SPAG17: variants seen among roughly 807,000 people sequenced by gnomAD.
SPAG17 encodes the protein sperm-associated antigen 17.
Under a neutral mutation model 273.6 loss-of-function variants are expected in SPAG17, and 169 were observed. The ratio of observed to expected loss-of-function variants is 0.62; its 90% CI spans 0.55 to 0.70. SPAG17 has a LOEUF of 0.70. SPAG17 is among the 30% of genes least tolerant of loss of function. The pLI, the probability that SPAG17 is intolerant of heterozygous loss-of-function variation, is 0.00. For missense variants in SPAG17, 2,557 were observed against 2,627.8 expected, an observed-to-expected ratio of 0.97 and a Z score of 0.59; for synonymous variants, 825 against 873.2, an observed-to-expected ratio of 0.94 and a Z score of 0.97.
At chr1:118,170,641 T>G (rs1660379263) in intron 1 of SPAG17, among the ~76,000 whole-genome samples, 1 of 152,194 alleles carries the variant, frequency 6.6e-6, no homozygotes, top group Non-Finnish European at 1.5e-5. Flanking sequence ...GACGTGGATA[T>G]TATTGTCTCT....
intron 28 of SPAG17, among the ~76,000 whole-genome samples, chr1:118,021,591 T>C (rs751453621): frequency 6.6e-6 from 1 of 152,194 alleles, no homozygotes; most frequent in African/African-American, 2.4e-5. Context: ...GTTACAAATA[T>C]ACAACACTAA....
At position 117,984,687 on chromosome 1, in the gene SPAG17, G is replaced by C; in HGVS notation, c.5765C>G (p.Ser1922Cys). ...FKSELNQLYQ[S>C]QYNHLDSLSK... ...TAGTTCATTATATTCAATTACCTGA[G>C]ACTGATATAACTGGTTCAATTCAGA... The change falls in exon 41 of 49, where the codon TCT becomes TGT. Residue 1922 changes from serine to cysteine, a missense_variant. Coordinates refer to ENST00000336338, the MANE Select transcript of SPAG17 (RefSeq NM_206996.4). The C allele has an allele frequency of 6.3e-7, 1 of 1,580,214 alleles. No individual in the cohort carries two copies. The highest frequency in any genetic ancestry group is 8.7e-7 in the Non-Finnish European group (1 of 1,151,440).
intron 29 of SPAG17, among the ~76,000 whole-genome samples, chr1:118,013,316 G>A (rs972137032): frequency 4.6e-5 from 7 of 152,298 alleles, no homozygotes; most frequent in South Asian, 4.1e-4. Context: ...TTGGGAGCAG[G>A]TGATTTTCAC....
chr1:117,972,266 T>A (rs986204484), intron 44 of SPAG17, among the ~76,000 whole-genome samples: 5 of 152,224 alleles, frequency 3.3e-5, no homozygotes, highest in Admixed American at 6.5e-5. Context: ...AGATGGATAA[T>A]TGTTCAAGTG....
chr1:118,178,962 C>A (rs912389772), intron 1 of SPAG17, among the ~76,000 whole-genome samples: 10 of 151,646 alleles, frequency 6.6e-5, no homozygotes, highest in African/African-American at 1.7e-4. Flanking sequence ...AGGATATACA[C>A]CAAAAAGAAA....
At position 118,028,262 on chromosome 1, in the gene SPAG17, T is replaced by C. The variant is rs369977023; in HGVS notation, c.3730+12A>G. On this transcript the variant is annotated intron_variant, in intron 26 of 48. Transcript: ENST00000336338. Reference sequence around the variant, plus strand: ...CTCCCTGCTTCCCCACCCTACCCCATATAGCACTTACCTGTAGATTCTTGT... The same window carrying C: ...CTCCCTGCTTCCCCACCCTACCCCACATAGCACTTACCTGTAGATTCTTGT... The C allele has an allele frequency of 2.5e-5, 40 of 1,611,172 alleles. No individual in the cohort carries two copies. Among genetic ancestry groups the C allele is most frequent in the Middle Eastern group, 1.7e-4 (1 of 6,058 alleles).
intron 3 of SPAG17, among the ~76,000 whole-genome samples, chr1:118,135,178 G>C (rs940127482): frequency 6.6e-6 from 1 of 152,188 alleles, no homozygotes; most frequent in African/African-American, 2.4e-5. Flanking sequence ...ATCAGCAGGT[G>C]GTGGCGGACA....
At chr1:118,008,284 C>T (rs1659117893) in intron 30 of SPAG17, 86 bp from the exon 31 acceptor site, 15 of 1,463,126 alleles carry the variant, frequency 1.0e-5, no homozygotes, top group Non-Finnish European at 1.2e-5. Flanking sequence ...CTGCTGTTTC[C>T]TGGCTGTCTG....
chr1:117,991,778 C>G (rs1657112250), intron 36 of SPAG17, among the ~76,000 whole-genome samples: 1 of 152,138 alleles, frequency 6.6e-6, no homozygotes, highest in Non-Finnish European at 1.5e-5. Context: ...CAGAGAGGCC[C>G]TGTTTCTAAC....
chr1:118,169,072 T>C (rs1660301595), intron 1 of SPAG17, among the ~76,000 whole-genome samples: 1 of 152,232 alleles, frequency 6.6e-6, no homozygotes, highest in Non-Finnish European at 1.5e-5. Flanking sequence ...TCACCATTTC[T>C]TAACTAACAT....
chr1:117,999,021 C>T (rs1013785453), intron 32 of SPAG17, among the ~76,000 whole-genome samples: 5 of 151,354 alleles, frequency 3.3e-5, no homozygotes, highest in Admixed American at 6.6e-5. Flanking sequence ...TGATGTTCCC[C>T]GCCCTGTGTC....
At chr1:118,144,898 G>A (rs1443908600) in intron 3 of SPAG17, among the ~76,000 whole-genome samples, 1 of 152,168 alleles carries the variant, frequency 6.6e-6, no homozygotes, top group Non-Finnish European at 1.5e-5. Flanking sequence ...ATCTCCTGCA[G>A]CAGTTTTTAA....
chr1:118,038,101 C>T (rs911929531), intron 23 of SPAG17, among the ~76,000 whole-genome samples: 4 of 152,004 alleles, frequency 2.6e-5, no homozygotes, highest in Admixed American at 6.6e-5. Context: ...AAAATAAAAA[C>T]CTGATTAAAA....
chr1:118,032,846 G>A (rs1012565419), intron 24 of SPAG17, among the ~76,000 whole-genome samples: 7 of 151,922 alleles, frequency 4.6e-5, no homozygotes, highest in African/African-American at 1.7e-4. Flanking sequence ...CGCCCACCTC[G>A]GCCTCCAAAG....
chr1:118,167,939 C>T (rs532493660), intron 1 of SPAG17, among the ~76,000 whole-genome samples: 5 of 152,124 alleles, frequency 3.3e-5, no homozygotes, highest in Admixed American at 1.3e-4. Context: ...GGCATCTCTC[C>T]GCTCACTCTC....
chr1:117,994,336 A>C, intron 35 of SPAG17, 70 bp downstream of exon 35: 1 of 1,470,936 alleles, frequency 6.8e-7, no homozygotes, highest in Non-Finnish European at 9.1e-7. Flanking sequence ...AGAAGACTTA[A>C]GACTCTGGTC....
intron 19 of SPAG17, among the ~76,000 whole-genome samples, chr1:118,055,003 C>T (rs1074241): frequency 0.072 from 11,002 of 152,112 alleles, 605 homozygotes; most frequent in East Asian, 0.31. Context: ...GAGTCCATTT[C>T]CTTTGCACAA....
chr1:118,138,152 T>A (rs1342315910), intron 3 of SPAG17, among the ~76,000 whole-genome samples: 1 of 152,182 alleles, frequency 6.6e-6, no homozygotes, highest in East Asian at 1.9e-4. Flanking sequence ...CAGAGCTCAA[T>A]GAAGAACAGA....
intron 43 of SPAG17, among the ~76,000 whole-genome samples, chr1:117,977,092 C>G (rs918648782): frequency 2.1e-4 from 32 of 151,610 alleles, no homozygotes; most frequent in African/African-American, 7.7e-4. Flanking sequence ...GGCAGATCAC[C>G]TGAGGTCAGG....
Sources: gnomAD v4.1 joint callset for allele counts (sites outside exome capture counted in the v4.1 genomes callset) on GRCh38, gnomAD v4.1.1 for gene constraint, MANE v1.5 for transcripts, NCBI Gene and HGNC (gene_info 2026-07-23, HGNC 2026-07-21) for gene names.